Variants in CNTNAP2 observed in about 807,000 individuals in gnomAD.
The protein encoded by CNTNAP2 is contactin associated protein 2.
A neutral mutation model predicts 155.2 loss-of-function variants in CNTNAP2; 98 were observed. The observed-to-expected ratio is 0.63, with a 90% CI of 0.54 to 0.75. The LOEUF (loss-of-function observed/expected upper bound fraction) is 0.75, where lower values mean the gene tolerates loss of function less well. CNTNAP2 is among the 30% of genes least tolerant of loss of function. CNTNAP2 has a pLI of 0.00. For synonymous variants in CNTNAP2, 651 were observed against 631.2 expected (o/e 1.03, Z -0.47); for missense variants, 1,727 against 1,688.1 (o/e 1.02, Z -0.40).
chr7:147,266,697 A>T (rs1804619066), intron 8 of CNTNAP2, among the ~76,000 whole-genome samples: 1 of 152,168 alleles, frequency 6.6e-6, no homozygotes, highest in Non-Finnish European at 1.5e-5. Flanking sequence ...TTTAATCATT[A>T]TTTTTATGGC....
intron 8 of CNTNAP2, chr7:147,161,604 C>T (rs1220182866): frequency 7.2e-6 from 1 of 139,410 alleles, no homozygotes; most frequent in South Asian, 2.7e-4. Flanking sequence ...AAGAAAAGAG[C>T]TGACTCATCA....
chr7:148,318,402 G>C (rs912552267), intron 21 of CNTNAP2, among the ~76,000 whole-genome samples: 2 of 152,166 alleles, frequency 1.3e-5, no homozygotes, highest in Non-Finnish European at 2.9e-5. Flanking sequence ...AAGCGTGTGT[G>C]ATTTTTTTGC....
At chr7:147,905,111 A>T (rs1395966149) in intron 14 of CNTNAP2, among the ~76,000 whole-genome samples, 1 of 152,240 alleles carries the variant, frequency 6.6e-6, no homozygotes, top group Non-Finnish European at 1.5e-5. Context: ...AAAATACCAA[A>T]TGCAAAGAAC....
intron 13 of CNTNAP2, among the ~76,000 whole-genome samples, chr7:147,735,419 G>T (rs1796824157): frequency 6.6e-6 from 1 of 152,092 alleles, no homozygotes; most frequent in Non-Finnish European, 1.5e-5. Context: ...TTTTACATTT[G>T]CTGAGGGGTG....
At chr7:147,642,561 A>T (rs565630408) in intron 13 of CNTNAP2, among the ~76,000 whole-genome samples, 47 of 152,216 alleles carry the variant, frequency 3.1e-4, no homozygotes, top group African/African-American at 1.1e-3. Flanking sequence ...TGTACAAAAC[A>T]TCAGGAAAAA....
chr7:148,325,319 C>T (rs1007142471), intron 21 of CNTNAP2, among the ~76,000 whole-genome samples: 10 of 152,158 alleles, frequency 6.6e-5, no homozygotes, highest in African/African-American at 2.4e-4. Context: ...ATGATAAAGA[C>T]CTATCCTTGT....
At chr7:146,503,790 C>T (rs1219114363) in intron 1 of CNTNAP2, among the ~76,000 whole-genome samples, 1 of 152,076 alleles carries the variant, frequency 6.6e-6, no homozygotes, top group African/African-American at 2.4e-5. Context: ...TTCCCTTGGC[C>T]AGTGTGTTTG....
chr7:146,720,938 T>TCTCTATA lies in CNTNAP2; in HGVS notation c.98-53333_98-53332insCTCTATA, dbSNP rs1491381567. Among the ~76,000 whole-genome samples, 65 of 136,692 alleles carry TCTCTATA rather than the reference T, an allele frequency of 4.8e-4. 1 individual carries two copies. Among genetic ancestry groups the TCTCTATA allele is most frequent in the African/African-American group, 1.3e-3 (45 of 34,926 alleles). 89.7% of individuals were successfully genotyped at this position (136,692 alleles called of 152,430 possible). A position where few individuals can be genotyped will look rare whatever the true frequency, so the allele number is the denominator to read the frequency against. Reference sequence around the variant, plus strand: ...CTCTCTATATATTCTATATATATACTTTCTCTATATATTCTATATATATAC... The same window carrying TCTCTATA: ...CTCTCTATATATTCTATATATATACTCTCTATATTCTCTATATATTCTATATATATAC... On this transcript the variant is annotated intron_variant, in intron 1 of 23. Coordinates refer to ENST00000361727, the MANE Select transcript of CNTNAP2 (RefSeq NM_014141.6).
intron 3 of CNTNAP2, among the ~76,000 whole-genome samples, chr7:146,847,749 T>G (rs143617595): frequency 6.6e-6 from 1 of 152,308 alleles, no homozygotes; most frequent in African/African-American, 2.4e-5. Context: ...GAAGTATAAT[T>G]GAGAATGCTA....
chr7:146,652,123 GA>G (rs1040307270), intron 1 of CNTNAP2, among the ~76,000 whole-genome samples: 8 of 151,914 alleles, frequency 5.3e-5, no homozygotes, highest in Admixed American at 2.0e-4. Flanking sequence ...GGACAGAAAA[GA>G]AAAAAGTTAA....
At chr7:146,519,724 G>A (rs1797590813) in intron 1 of CNTNAP2, among the ~76,000 whole-genome samples, 1 of 151,850 alleles carries the variant, frequency 6.6e-6, no homozygotes, top group African/African-American at 2.4e-5. Flanking sequence ...ACACGCAGGG[G>A]AGGATATTTA....
intron 20 of CNTNAP2, among the ~76,000 whole-genome samples, chr7:148,258,079 TA>T (rs1165792545): frequency 6.6e-6 from 1 of 152,216 alleles, no homozygotes; most frequent in Non-Finnish European, 1.5e-5. Flanking sequence ...GAAGGTTTAT[TA>T]GATAACACTA....
intron 3 of CNTNAP2, among the ~76,000 whole-genome samples, chr7:146,884,059 A>C (rs372450706): frequency 1.0e-3 from 155 of 152,224 alleles, no homozygotes; most frequent in African/African-American, 3.5e-3. Context: ...TTATTTTACC[A>C]GTAACAAACT....
intron 9 of CNTNAP2, among the ~76,000 whole-genome samples, chr7:147,361,310 A>G (rs577794971): frequency 6.6e-6 from 1 of 152,336 alleles, no homozygotes; most frequent in African/African-American, 2.4e-5. Context: ...TGAATTTTAT[A>G]CATTCTTGCT....
chr7:146,884,352 T>C (rs1795613824), intron 3 of CNTNAP2, among the ~76,000 whole-genome samples: 1 of 152,266 alleles, frequency 6.6e-6, no homozygotes, highest in South Asian at 2.1e-4. Context: ...TGCAGGTACA[T>C]TGCAGCTAAA....
intron 3 of CNTNAP2, among the ~76,000 whole-genome samples, chr7:146,866,926 A>G (rs1795216087): frequency 6.6e-6 from 1 of 152,150 alleles, no homozygotes; most frequent in Non-Finnish European, 1.5e-5. Flanking sequence ...ACATTGTAAT[A>G]TCATATATAT....
At chr7:146,618,010 A>G (rs1302669298) in intron 1 of CNTNAP2, among the ~76,000 whole-genome samples, 1 of 152,046 alleles carries the variant, frequency 6.6e-6, no homozygotes, top group Non-Finnish European at 1.5e-5. Flanking sequence ...TATAATCCTT[A>G]GGGTTAATTT....
intron 9 of CNTNAP2, among the ~76,000 whole-genome samples, chr7:147,330,962 C>T (rs1795555432): frequency 6.6e-6 from 1 of 152,300 alleles, no homozygotes; most frequent in Non-Finnish European, 1.5e-5. Flanking sequence ...AGCTTCCTTT[C>T]TACCACTAAC....
At chr7:146,825,220 C>T (rs529959215) in intron 2 of CNTNAP2, among the ~76,000 whole-genome samples, 176 of 152,200 alleles carry the variant, frequency 1.2e-3, no homozygotes, top group African/African-American at 3.9e-3. Context: ...GCCAAGTATA[C>T]ATATGCCAAA....
Sources: allele counts gnomAD v4.1 joint callset (sites outside exome capture counted in the v4.1 genomes callset), GRCh38; gene constraint gnomAD v4.1.1; transcripts MANE v1.5; gene names NCBI Gene and HGNC (gene_info 2026-07-23, HGNC 2026-07-21).